TPCN2: variants seen among roughly 807,000 people sequenced by gnomAD.
The protein encoded by TPCN2 is two pore channel protein 2.
A neutral mutation model predicts 111.4 loss-of-function variants in TPCN2; 92 were observed. The ratio of observed to expected loss-of-function variants is 0.83; its 90% CI spans 0.70 to 0.98. TPCN2 has a LOEUF of 0.98. Among genes scored for constraint, TPCN2 ranks in the 50% least tolerant of loss-of-function variants. TPCN2 has a pLI of 0.00. For synonymous variants in TPCN2, 405 were observed against 414.5 expected (o/e 0.98, Z 0.28); for missense variants, 995 against 980.1 (o/e 1.02, Z -0.20).
intron 8 of TPCN2, 127 bp downstream of exon 8, chr11:69,067,732 A>G: frequency 1.4e-6 from 1 of 696,770 alleles, no homozygotes. Flanking sequence ...GTGGAGAAGA[A>G]AGGGTGACAT....
At chr11:69,081,261 C>G in intron 17 of TPCN2, 139 bp from the exon 18 acceptor site, 2 of 581,570 alleles carry the variant, frequency 3.4e-6, no homozygotes, top group Admixed American at 2.8e-5. Context: ...CTTTTCTGCT[C>G]GGTGTTGGCT....
chr11:69,076,651 CCG>C, intron 13 of TPCN2, among the ~76,000 whole-genome samples: 1 of 113,942 alleles, frequency 8.8e-6, no homozygotes, highest in African/African-American at 3.5e-5. Context: ...TGCCCTCCTG[CCG>C]TGTCCCTCCA....
At position 69,071,432 on chromosome 11, in the gene TPCN2, C is replaced by T; in HGVS notation, c.960+12C>T. ...GGGGCTACCTGATGGTGAGCGAGCT[C>T]CCCAATGCTGGCTGTGCCTGGAGCT... On this transcript the variant is annotated intron_variant, in intron 10 of 24. Transcript: ENST00000294309. 6.2e-7 allele frequency: 1 copy of T among 1,611,230 alleles called. No homozygotes were observed. Among genetic ancestry groups the T allele is most frequent in the Non-Finnish European group, 8.5e-7 (1 of 1,178,684 alleles).
rs775580353 is a variant in TPCN2, at chr11:69,055,246, C to A, written c.323C>A (p.Thr108Lys). 2 of 1,614,238 alleles carry A rather than the reference C, an allele frequency of 1.2e-6. No homozygotes were observed. Among genetic ancestry groups the A allele is most frequent in the Non-Finnish European group, 1.7e-6 (2 of 1,180,032 alleles). The stretch of plus-strand genomic sequence containing the variant: ...GAGACCCCATCCTCACTCACCAGCA[C>A]GGCGGACGTGCGCTACCGCGCTGCT... ...FIETPSSLTS[T>K]ADVRYRAAPW... The change falls in exon 4 of 25, where the codon ACG becomes AAG. Residue 108 changes from threonine to lysine, a missense_variant. Transcript: ENST00000294309.
intron 1 of TPCN2, among the ~76,000 whole-genome samples, chr11:69,049,489 T>C (rs552478347): frequency 6.6e-6 from 1 of 152,336 alleles, no homozygotes; most frequent in African/African-American, 2.4e-5. Flanking sequence ...GGTCGCCTAA[T>C]TGACTCAGAG....
chr11:69,056,550 T>C (rs1854777433), intron 4 of TPCN2, among the ~76,000 whole-genome samples: 1 of 152,248 alleles, frequency 6.6e-6, no homozygotes, highest in African/African-American at 2.4e-5. Flanking sequence ...TTTATTTATT[T>C]TGAGACACAG....
At chr11:69,086,003 C>T in intron 22 of TPCN2, 73 bp downstream of exon 22, 2 of 1,436,254 alleles carry the variant, frequency 1.4e-6, no homozygotes, top group East Asian at 4.8e-5. Context: ...GGGCACGCTG[C>T]ATCTGCACTG....
intron 5 of TPCN2, among the ~76,000 whole-genome samples, chr11:69,062,168 A>G (rs1855050394): frequency 6.6e-6 from 1 of 151,962 alleles, no homozygotes; most frequent in South Asian, 2.1e-4. Context: ...TCCTTTTAAA[A>G]ACCAGATCTC....
chr11:69,076,874 C>T (rs1440471647), intron 13 of TPCN2, among the ~76,000 whole-genome samples: 1 of 110,672 alleles, frequency 9.0e-6, no homozygotes, highest in African/African-American at 4.0e-5. Context: ...ATGCCATGTC[C>T]CTCCACTTGC....
At chr11:69,062,692 G>A (rs910984669) in intron 5 of TPCN2, among the ~76,000 whole-genome samples, 192 bp from the exon 6 acceptor site, 2 of 152,064 alleles carry the variant, frequency 1.3e-5, no homozygotes, top group Non-Finnish European at 2.9e-5. Flanking sequence ...TGACAGGGAA[G>A]GACTGCAGAG....
At position 69,088,001 on chromosome 11, in the gene TPCN2, C is replaced by A; in HGVS notation, c.*48C>A. 6.5e-7 allele frequency: 1 copy of A among 1,533,922 alleles called. No individual in the cohort carries two copies. The highest frequency in any genetic ancestry group is 8.9e-7 in the Non-Finnish European group (1 of 1,129,872). ...GGGGCGGCAGGAGAGAGAGGCTGGC[C>A]TACACAGGTGCCCGTCATGGAAGAG... On this transcript the variant is annotated 3_prime_UTR_variant, in exon 25 of 25. Coordinates refer to ENST00000294309, the MANE Select transcript of TPCN2 (RefSeq NM_139075.4).
chr11:69,079,103 C>G (rs1044499372), intron 16 of TPCN2, 83 bp downstream of exon 16: 4 of 1,490,546 alleles, frequency 2.7e-6, no homozygotes, highest in Non-Finnish European at 3.6e-6. Flanking sequence ...CATCTCAGGC[C>G]TCCCCTGAGG....
chr11:69,054,394 G>A (rs12285865), intron 2 of TPCN2: 163,413 of 567,522 alleles, frequency 0.29, 25,372 homozygotes, highest in South Asian at 0.44. Flanking sequence ...TGCACGGGGC[G>A]TGGGAGGGTC....
intron 16 of TPCN2, 24 bp from the exon 17 acceptor site, chr11:69,079,810 C>A (rs770146900): frequency 6.8e-6 from 11 of 1,611,854 alleles, no homozygotes; most frequent in East Asian, 2.2e-5. Context: ...TGTAGCGAAG[C>A]CTTCTTTTCT....
rs1251544385 is a variant in TPCN2 at position 69,049,185 on chromosome 11, C to A, written c.109+79C>A. 2.1e-6 allele frequency: 2 copies of A among 945,498 alleles called. 1 individual carries two copies. The highest frequency in any genetic ancestry group is 2.8e-6 in the Non-Finnish European group (2 of 724,750). The allele number at this position is 945,498 out of a possible 1,614,324, so 58.6% of individuals were successfully genotyped here. The stretch of plus-strand genomic sequence containing the variant: ...TGGGGGTCCCGCTGTCCCAGCACCC[C>A]GCTTTCTGCCGGGCGCGCCCCCACC... On this transcript the variant is annotated intron_variant, in intron 1 of 24. Coordinates refer to ENST00000294309, the MANE Select transcript of TPCN2 (RefSeq NM_139075.4).
At chr11:69,075,388 T>C (rs1855709701) in intron 13 of TPCN2, among the ~76,000 whole-genome samples, 1 of 152,230 alleles carries the variant, frequency 6.6e-6, no homozygotes, top group Admixed American at 6.5e-5. Context: ...CCGTATACTT[T>C]AAGTCATTTC....
rs114607253 is a variant in TPCN2 at position 69,054,349 on chromosome 11, C to T, written c.174+252C>T. ...TTGTGGACCACCCCATTCTAGGTCC[C>T]GGGTGGGTGGGGGCATCCTGGAGGA... is the stretch of plus-strand genomic sequence containing the variant. On this transcript the variant is annotated intron_variant, in intron 2 of 24. Coordinates refer to ENST00000294309, the MANE Select transcript of TPCN2 (RefSeq NM_139075.4). 1,990 of 572,478 alleles carry T rather than the reference C, an allele frequency of 3.5e-3. 31 individuals carry two copies. Among genetic ancestry groups the T allele is most frequent in the African/African-American group, 0.034 (1,817 of 53,454 alleles). 35.5% of individuals were successfully genotyped at this position (572,478 alleles called of 1,614,324 possible). A position where few individuals can be genotyped will look rare whatever the true frequency, so the allele number is the denominator to read the frequency against.
chr11:69,066,678 G>A (rs1425358901), intron 7 of TPCN2, among the ~76,000 whole-genome samples: 1 of 152,208 alleles, frequency 6.6e-6, no homozygotes. Context: ...TGGGATTGTG[G>A]CTTTGAAACG....
At chr11:69,078,323 G>T (rs1439988420) in intron 13 of TPCN2, among the ~76,000 whole-genome samples, 159 bp from the exon 14 acceptor site, 2 of 152,134 alleles carry the variant, frequency 1.3e-5, no homozygotes, top group African/African-American at 4.8e-5. Context: ...TGTATAAAGC[G>T]ATTTCTGTGT....
Sources: allele counts gnomAD v4.1 joint callset (sites outside exome capture counted in the v4.1 genomes callset), GRCh38; gene constraint gnomAD v4.1.1; transcripts MANE v1.5; gene names NCBI Gene and HGNC (gene_info 2026-07-23, HGNC 2026-07-21).